Variants in NBAS observed in about 807,000 individuals in gnomAD.
NBAS encodes NAG/BC035112 fusion.
A neutral mutation model predicts 302.5 loss-of-function variants in NBAS; 219 were observed. The observed-to-expected ratio is 0.72, with a 90% CI of 0.65 to 0.81. The LOEUF is 0.81. Among genes scored for constraint, NBAS ranks in the 30% least tolerant of loss-of-function variants. The pLI is 0.00. For missense variants in NBAS, 2,932 were observed against 2,841.6 expected (o/e 1.03, Z -0.72); for synonymous variants, 1,118 against 1,021.6 (o/e 1.09, Z -1.80).
the NBAS span, among the ~76,000 whole-genome samples, chr2:14,887,998 C>A: frequency 6.6e-6 from 1 of 152,144 alleles, no homozygotes; most frequent in African/African-American, 2.4e-5. Context: ...AAGATTTGTA[C>A]ATAAGGTGGT....
At chr2:15,062,092 G>A in the NBAS span, among the ~76,000 whole-genome samples, 2 of 152,110 alleles carry the variant, frequency 1.3e-5, no homozygotes, top group African/African-American at 4.8e-5. Context: ...CCCCAGTTTC[G>A]GGCAACATTG....
chr2:15,277,822 G>A (rs1176877017), intron 42 of NBAS, among the ~76,000 whole-genome samples: 1 of 152,182 alleles, frequency 6.6e-6, no homozygotes, highest in African/African-American at 2.4e-5. Context: ...TGTGCTTTTA[G>A]AAGGGGAAAG....
intron 31 of NBAS, among the ~76,000 whole-genome samples, chr2:15,372,516 GT>G (rs1184564917): frequency 6.6e-6 from 1 of 152,236 alleles, no homozygotes; most frequent in African/African-American, 2.4e-5. Flanking sequence ...ATATCTAGTT[GT>G]TTTCTTTCTC....
At chr2:15,261,454 A>G (rs1280519881) in intron 44 of NBAS, among the ~76,000 whole-genome samples, 2 of 152,246 alleles carry the variant, frequency 1.3e-5, no homozygotes, top group South Asian at 2.1e-4. Flanking sequence ...ACATTCATTT[A>G]TACACTTAAC....
At chr2:14,999,773 A>G in the NBAS span, among the ~76,000 whole-genome samples, 1 of 152,172 alleles carries the variant, frequency 6.6e-6, no homozygotes, top group South Asian at 2.1e-4. Context: ...CTATTAATTT[A>G]TCTATTATTT....
At chr2:15,531,198 CAGTT>C (rs1368132478) in intron 9 of NBAS, among the ~76,000 whole-genome samples, 1 of 152,104 alleles carries the variant, frequency 6.6e-6, no homozygotes, top group Non-Finnish European at 1.5e-5. Context: ...CCCACCAAAA[CAGTT>C]AAATAAACCA....
the NBAS span, among the ~76,000 whole-genome samples, chr2:14,913,071 T>A: frequency 2.0e-5 from 3 of 152,232 alleles, no homozygotes; most frequent in African/African-American, 7.2e-5. Flanking sequence ...ATCTCATTCA[T>A]GAGAATGAAA....
intron 11 of NBAS, among the ~76,000 whole-genome samples, chr2:15,503,253 A>C (rs1661664887): frequency 6.6e-6 from 1 of 152,090 alleles, no homozygotes; most frequent in South Asian, 2.1e-4. Context: ...AGTAAGTAGA[A>C]GGAGTACTCT....
chr2:15,129,636 C>G, the NBAS span, among the ~76,000 whole-genome samples: 13 of 152,164 alleles, frequency 8.5e-5, no homozygotes, highest in Non-Finnish European at 1.8e-4. Flanking sequence ...CAAGCCCTTC[C>G]TTTTCTAAAA....
At chr2:15,334,196 CTT>C (rs11332266) in intron 35 of NBAS, among the ~76,000 whole-genome samples, 13 of 147,260 alleles carry the variant, frequency 8.8e-5, no homozygotes, top group Non-Finnish European at 9.0e-5. Flanking sequence ...TTTTTCTTTT[CTT>C]TTTTTTTTTG....
At chr2:14,988,628 C>T in the NBAS span, among the ~76,000 whole-genome samples, 1 of 152,092 alleles carries the variant, frequency 6.6e-6, no homozygotes, top group East Asian at 1.9e-4. Context: ...CCAAAAATAT[C>T]AGAAAACATG....
chr2:15,000,141 G>A, the NBAS span, among the ~76,000 whole-genome samples: 1 of 152,182 alleles, frequency 6.6e-6, no homozygotes, highest in Non-Finnish European at 1.5e-5. Context: ...ACATGTACAT[G>A]TGGGCGGTGA....
At chr2:15,098,457 A>ATTGTATATG in the NBAS span, among the ~76,000 whole-genome samples, 5 of 93,944 alleles carry the variant, frequency 5.3e-5, no homozygotes, top group African/African-American at 2.6e-4. Flanking sequence ...TATATTATAT[A>ATTGTATATG]TTATATATTG....
intron 47 of NBAS, among the ~76,000 whole-genome samples, chr2:15,223,933 A>T (rs528101674): frequency 6.6e-6 from 1 of 152,248 alleles, no homozygotes; most frequent in Non-Finnish European, 1.5e-5. Context: ...CTATAATGAG[A>T]TTGGGGAGGG....
At chr2:15,458,534 A>C (rs1679351424) in intron 21 of NBAS, among the ~76,000 whole-genome samples, 1 of 151,890 alleles carries the variant, frequency 6.6e-6, no homozygotes, top group Non-Finnish European at 1.5e-5. Context: ...CTTCCCTCTC[A>C]CCATGTGAGA....
chr2:15,049,200 C>T, the NBAS span, among the ~76,000 whole-genome samples: 3 of 152,224 alleles, frequency 2.0e-5, no homozygotes, highest in Non-Finnish European at 2.9e-5. Flanking sequence ...CACCTGCACC[C>T]CCAGCTCCCT....
intron 35 of NBAS, among the ~76,000 whole-genome samples, chr2:15,347,982 A>G (rs1673172535): frequency 6.6e-6 from 1 of 152,226 alleles, no homozygotes; most frequent in South Asian, 2.1e-4. Context: ...AAAAATCATT[A>G]TTTTCACAAG....
the NBAS span, among the ~76,000 whole-genome samples, chr2:14,949,695 T>A: frequency 6.6e-6 from 1 of 152,174 alleles, no homozygotes; most frequent in Non-Finnish European, 1.5e-5. Context: ...AGATATATAA[T>A]GGAATGTTAT....
intron 21 of NBAS, among the ~76,000 whole-genome samples, chr2:15,454,402 T>TAAAAA (rs539471228): frequency 2.7e-5 from 4 of 146,856 alleles, no homozygotes; most frequent in African/African-American, 1.0e-4. Context: ...GGATATTAGT[T>TAAAAA]AAAAAAAAAA....
Sources: allele counts gnomAD v4.1 joint callset (sites outside exome capture counted in the v4.1 genomes callset), GRCh38; gene constraint gnomAD v4.1.1; transcripts MANE v1.5; gene names NCBI Gene and HGNC (gene_info 2026-07-23, HGNC 2026-07-21).